The following ATP10B variants were observed in gnomAD, a reference collection of about 807,000 sequenced individuals.
The protein encoded by ATP10B is phospholipid-transporting ATPase VB.
ATP10B carries 122 observed loss-of-function variants against 141.2 expected under a neutral mutation model. The observed-to-expected ratio is 0.86, with a 90% CI of 0.75 to 1.00. The LOEUF (loss-of-function observed/expected upper bound fraction) is 1.00, where lower values mean the gene tolerates loss of function less well. Ranked by LOEUF, ATP10B falls within the 50% of genes least tolerant of loss-of-function variation. The probability of loss-of-function intolerance (pLI) is 0.00; values close to 1 mark genes in which losing one functional copy is unlikely to be tolerated. For missense variants in ATP10B, 1,876 were observed against 1,825.3 expected (o/e 1.03, Z -0.51); for synonymous variants, 685 against 692.0 (o/e 0.99, Z 0.16).
chr5:160,866,809 G>A, the ATP10B span, among the ~76,000 whole-genome samples: 7 of 152,054 alleles, frequency 4.6e-5, no homozygotes, highest in Admixed American at 2.0e-4. Context: ...GGTGGCGGGT[G>A]CACCAAAATC....
At chr5:160,733,539 G>A (rs975337964) in intron 2 of ATP10B, among the ~76,000 whole-genome samples, 1 of 151,936 alleles carries the variant, frequency 6.6e-6, no homozygotes, top group African/African-American at 2.4e-5. Flanking sequence ...AAGGGAAAAA[G>A]CAAATGAGAG....
chr5:160,874,193 CGGG>C, the ATP10B span, among the ~76,000 whole-genome samples: 2 of 152,118 alleles, frequency 1.3e-5, no homozygotes, highest in African/African-American at 2.4e-5. Context: ...GATCTGAGAA[CGGG>C]CAGACTGCCT....
chr5:160,565,782 G>A lies in ATP10B; in HGVS notation c.4057C>T (p.Gln1353Ter). The A allele has an allele frequency of 6.2e-7, 1 of 1,614,136 alleles. No individual in the cohort carries two copies. The highest frequency in any genetic ancestry group is 2.2e-5 in the East Asian group (1 of 44,872). Residue 1353 changes from glutamine to a stop codon, truncating the protein, a stop_gained, in exon 26 of 26, where the codon CAG becomes TAG. Transcript: ENST00000327245. LOFTEE classifies it low-confidence loss of function (END_TRUNC). The stretch of plus-strand genomic sequence containing the variant: ...ACTTCGGGGACAGGGGCAGGCCTCT[G>A]TCTGCTTCTCCAACTCTGGATTTCC... ...NLEIQSWRSR[Q>*]RPAPVPEVAR...
At chr5:160,882,371 A>G in the ATP10B span, among the ~76,000 whole-genome samples, 1 of 152,262 alleles carries the variant, frequency 6.6e-6, no homozygotes, top group South Asian at 2.1e-4. Context: ...GATATGTAGG[A>G]AGTCTCTGCA....
intron 2 of ATP10B, among the ~76,000 whole-genome samples, chr5:160,777,614 G>A (rs955461265): frequency 5.9e-5 from 9 of 152,162 alleles, no homozygotes; most frequent in Non-Finnish European, 1.3e-4. Context: ...TACAGAAGCT[G>A]GCTATATGTT....
chr5:160,657,590 C>G (rs1242355716), intron 7 of ATP10B, among the ~76,000 whole-genome samples: 1 of 152,128 alleles, frequency 6.6e-6, no homozygotes, highest in African/African-American at 2.4e-5. Context: ...TATTCTGTTT[C>G]CCAGTTGGGC....
chr5:160,751,442 A>C (rs1328643529), intron 2 of ATP10B, among the ~76,000 whole-genome samples: 4 of 152,236 alleles, frequency 2.6e-5, no homozygotes, highest in African/African-American at 9.6e-5. Context: ...TGAAGTAAGC[A>C]GGTAGTGGAT....
rs535596402 is a variant in ATP10B at position 160,578,939 on chromosome 5, G to A, written c.3751-9256C>T. Among the ~76,000 whole-genome samples the A allele has an allele frequency of 6.5e-4, 99 of 152,330 alleles. No individual in the cohort carries two copies. In the Middle Eastern group the frequency reaches 0.017, roughly 26 times the overall value. On this transcript the variant is annotated intron_variant, in intron 24 of 25. Transcript: ENST00000327245. ...TTGCATTTCTCTAATGACCAGTGAT[G>A]ATGAGCTTTTTTCATATGTTTGTTG...
chr5:160,811,185 G>A (rs1289853013), intron 1 of ATP10B, among the ~76,000 whole-genome samples: 1 of 152,160 alleles, frequency 6.6e-6, no homozygotes, highest in East Asian at 1.9e-4. Context: ...TATCTAGGTA[G>A]TATGCAATGA....
intron 9 of ATP10B, among the ~76,000 whole-genome samples, chr5:160,641,637 C>T (rs1342586146): frequency 6.6e-6 from 1 of 152,180 alleles, no homozygotes; most frequent in African/African-American, 2.4e-5. Flanking sequence ...CAAGATCACA[C>T]ACCTAAGAGC....
chr5:160,658,774 C>A (rs1323286030), intron 7 of ATP10B, among the ~76,000 whole-genome samples: 3 of 152,100 alleles, frequency 2.0e-5, no homozygotes, highest in African/African-American at 7.2e-5. Context: ...AGATTCATAC[C>A]AAACATATCA....
At chr5:160,690,143 T>A (rs1036822202) in intron 3 of ATP10B, among the ~76,000 whole-genome samples, 1 of 152,222 alleles carries the variant, frequency 6.6e-6, no homozygotes, top group African/African-American at 2.4e-5. Flanking sequence ...CTGGGAAAGC[T>A]GACTAGCCAT....
chr5:160,684,787 A>T (rs1416421074), intron 6 of ATP10B: 2 of 628,876 alleles, frequency 3.2e-6, no homozygotes, highest in Admixed American at 5.3e-5. Flanking sequence ...TAGCAGCCAC[A>T]AAAAGATCAG....
chr5:160,774,066 G>T (rs1009801472), intron 2 of ATP10B, among the ~76,000 whole-genome samples: 3 of 152,166 alleles, frequency 2.0e-5, no homozygotes, highest in Admixed American at 2.0e-4. Context: ...TCTGCAGGTA[G>T]GAAAATGCAG....
chr5:160,640,716 G>A, intron 9 of ATP10B, 124 bp from the exon 10 acceptor site: 1 of 1,307,904 alleles, frequency 7.6e-7, no homozygotes, highest in Non-Finnish European at 1.0e-6. Flanking sequence ...ACCTGAACTT[G>A]CCCCGCCTCA....
In ATP10B at chr5:160,719,442, C is replaced by T. The variant is rs115588627; in HGVS notation, c.-330-2408G>A. 7.6e-3 allele frequency among the ~76,000 whole-genome samples: 1,156 copies of T among 152,298 alleles called. 14 individuals are homozygous for T. Among genetic ancestry groups the T allele is most frequent in the African/African-American group, 0.026 (1,089 of 41,556 alleles). ...TAACTGCAACTACTTTTGCAACAAC[C>T]CAGTAGTTCCTGGAGGGCAAAGGCC... On this transcript the variant is annotated intron_variant, in intron 2 of 25. Coordinates refer to ENST00000327245, the MANE Select transcript of ATP10B (RefSeq NM_025153.3).
chr5:160,756,988 C>T (rs140533839), intron 2 of ATP10B, among the ~76,000 whole-genome samples: 6 of 151,948 alleles, frequency 3.9e-5, no homozygotes, highest in African/African-American at 7.2e-5. Context: ...AAACAGTTCA[C>T]GCTTTCTTGT....
intron 6 of ATP10B, among the ~76,000 whole-genome samples, chr5:160,682,087 C>A (rs1233612755): frequency 1.3e-5 from 2 of 152,166 alleles, no homozygotes; most frequent in Non-Finnish European, 2.9e-5. Context: ...ATTTAATTAC[C>A]TATCTGGTCC....
At chr5:160,572,735 T>C (rs1754951659) in intron 24 of ATP10B, among the ~76,000 whole-genome samples, 1 of 152,184 alleles carries the variant, frequency 6.6e-6, no homozygotes, top group Admixed American at 6.5e-5. Flanking sequence ...GAGAATTCCT[T>C]TTGGAAAATA....
Sources: allele counts gnomAD v4.1 joint callset (sites outside exome capture counted in the v4.1 genomes callset), GRCh38; gene constraint gnomAD v4.1.1; transcripts MANE v1.5; gene names NCBI Gene and HGNC (gene_info 2026-07-23, HGNC 2026-07-21).